The following SPATA45 variants were observed in gnomAD, a reference collection of about 807,000 sequenced individuals.
SPATA45 encodes the protein spermatogenesis associated 45.
SPATA45 carries 5 observed loss-of-function variants against 7.0 expected under a neutral mutation model. The observed-to-expected ratio is 0.71, with a 90% CI of 0.37 to 1.50. The LOEUF (loss-of-function observed/expected upper bound fraction) is 1.50, where lower values mean the gene tolerates loss of function less well. SPATA45 is among the 40% of genes most tolerant of loss of function. SPATA45 has a pLI of 0.03. For synonymous variants in SPATA45, 40 were observed against 38.7 expected (o/e 1.03, Z -0.13); for missense variants, 111 against 114.9 (o/e 0.97, Z 0.16).
chr1:212,836,551 G>A (rs1214429378), intron 1 of SPATA45, among the ~76,000 whole-genome samples: 3 of 151,660 alleles, frequency 2.0e-5, no homozygotes, highest in East Asian at 1.9e-4. Context: ...GGCTGGTCTC[G>A]AACTCCTGTC....
At chr1:212,842,827 G>T (rs957798915) in intron 1 of SPATA45, among the ~76,000 whole-genome samples, 1 of 151,864 alleles carries the variant, frequency 6.6e-6, no homozygotes, top group Non-Finnish European at 1.5e-5. Context: ...GGTGGCTCAC[G>T]CCTGTAATCC....
At chr1:212,832,808 C>T (rs937106419) in intron 2 of SPATA45, among the ~76,000 whole-genome samples, 9 of 151,594 alleles carry the variant, frequency 5.9e-5, no homozygotes, top group African/African-American at 1.7e-4. Context: ...AAGGACATAG[C>T]TATTGGTCTC....
chr1:212,830,686 G>C (rs1454991773), intron 2 of SPATA45, among the ~76,000 whole-genome samples: 2 of 134,984 alleles, frequency 1.5e-5, no homozygotes, highest in Non-Finnish European at 3.2e-5. Flanking sequence ...AAAAAAAAAA[G>C]AAACACCAAA....
chr1:212,834,742 C>T (rs374552872), intron 2 of SPATA45, among the ~76,000 whole-genome samples: 22 of 151,732 alleles, frequency 1.4e-4, no homozygotes, highest in African/African-American at 4.3e-4. Context: ...TGAGCCACCG[C>T]GCCCGGCCTC....
intron 1 of SPATA45, among the ~76,000 whole-genome samples, chr1:212,838,409 A>G (rs754119901): frequency 6.6e-6 from 1 of 151,686 alleles, no homozygotes; most frequent in Non-Finnish European, 1.5e-5. Flanking sequence ...GAAATGAAAA[A>G]GACTGACCAA....
chr1:212,847,073 T>C (rs1317163356), intron 1 of SPATA45, among the ~76,000 whole-genome samples: 5 of 152,076 alleles, frequency 3.3e-5, no homozygotes, highest in South Asian at 2.1e-4. Flanking sequence ...GTATTTTTTG[T>C]AGAGATGTCA....
At chr1:212,831,388 G>A (rs1663484523) in intron 2 of SPATA45, among the ~76,000 whole-genome samples, 2 of 149,864 alleles carry the variant, frequency 1.3e-5, no homozygotes, top group Admixed American at 1.3e-4. Context: ...TAGGAGGATC[G>A]CTCGAGCCCA....
chr1:212,836,815 ATTT>A (rs201077050), intron 1 of SPATA45, among the ~76,000 whole-genome samples: 1 of 137,636 alleles, frequency 7.3e-6, no homozygotes, highest in Admixed American at 7.4e-5. Flanking sequence ...TGCCCAGCTA[ATTT>A]TTTTTTTTTT....
At chr1:212,835,601 G>T (rs1663572467) in intron 2 of SPATA45, among the ~76,000 whole-genome samples, 1 of 151,244 alleles carries the variant, frequency 6.6e-6, no homozygotes, top group Non-Finnish European at 1.5e-5. Flanking sequence ...AGGAGGCCGA[G>T]GTGGGTGGAT....
intron 1 of SPATA45, among the ~76,000 whole-genome samples, chr1:212,843,172 C>A (rs1325461372): frequency 1.3e-5 from 2 of 150,170 alleles, no homozygotes; most frequent in Non-Finnish European, 2.9e-5. Flanking sequence ...TGCCTGTAAT[C>A]CCAGCTACTC....
chr1:212,844,841 A>T (rs866278865), intron 1 of SPATA45, among the ~76,000 whole-genome samples: 1 of 152,156 alleles, frequency 6.6e-6, no homozygotes, highest in Non-Finnish European at 1.5e-5. Context: ...AGGCCACTTT[A>T]CTTCCAAAGG....
At chr1:212,836,626 C>T (rs989156547) in intron 1 of SPATA45, among the ~76,000 whole-genome samples, 10 of 151,248 alleles carry the variant, frequency 6.6e-5, no homozygotes, top group African/African-American at 1.5e-4. Flanking sequence ...CCACTGTGCC[C>T]GGACAGCACA....
chr1:212,843,100 TAC>T (rs367648433), intron 1 of SPATA45, among the ~76,000 whole-genome samples: 4,143 of 121,930 alleles, frequency 0.034, 71 homozygotes, highest in Middle Eastern at 0.044. Context: ...CCGTCAAACA[TAC>T]ACACACACAC....
chr1:212,833,375 CTGGCCGGGCTCAG>C (rs1391406298), intron 2 of SPATA45, among the ~76,000 whole-genome samples: 1 of 151,268 alleles, frequency 6.6e-6, no homozygotes, highest in Non-Finnish European at 1.5e-5. Flanking sequence ...TAATGGCCTC[CTGGCCGGGCTCAG>C]TGGCTCAAGC....
At chr1:212,831,555 T>A (rs1049368983) in intron 2 of SPATA45, among the ~76,000 whole-genome samples, 6 of 151,164 alleles carry the variant, frequency 4.0e-5, no homozygotes, top group Non-Finnish European at 7.4e-5. Flanking sequence ...CAGGTGTTTT[T>A]AATTCTATAT....
chr1:212,844,449 C>T (rs111956924), intron 1 of SPATA45, among the ~76,000 whole-genome samples: 302 of 152,268 alleles, frequency 2.0e-3, no homozygotes, highest in Middle Eastern at 0.01. Flanking sequence ...ACCCCCATGA[C>T]GCTATCTCTC....
chr1:212,830,429 T>C (rs1340396212), intron 2 of SPATA45, among the ~76,000 whole-genome samples, 168 bp from the exon 3 acceptor site: 1 of 151,264 alleles, frequency 6.6e-6, no homozygotes, highest in Non-Finnish European at 1.5e-5. Context: ...CCCAGCACTT[T>C]GGGAAGCCGA....
At chr1:212,831,392 G>A (rs1397594083) in intron 2 of SPATA45, among the ~76,000 whole-genome samples, 3 of 149,942 alleles carry the variant, frequency 2.0e-5, no homozygotes, top group African/African-American at 4.9e-5. Flanking sequence ...AGGATCGCTC[G>A]AGCCCAGGAG....
intron 1 of SPATA45, among the ~76,000 whole-genome samples, chr1:212,837,229 G>A (rs539599921): frequency 6.8e-6 from 1 of 147,972 alleles, no homozygotes; most frequent in Admixed American, 6.7e-5. Flanking sequence ...AGATAATTAA[G>A]AAAATACAGA....
Sources: gnomAD v4.1 joint callset for allele counts (sites outside exome capture counted in the v4.1 genomes callset) on GRCh38, gnomAD v4.1.1 for gene constraint, MANE v1.5 for transcripts, NCBI Gene and HGNC (gene_info 2026-07-23, HGNC 2026-07-21) for gene names.